The following ARFGEF3 variants were observed in gnomAD, a reference collection of about 807,000 sequenced individuals.
The protein encoded by ARFGEF3 is brefeldin A-inhibited guanine nucleotide-exchange protein 3.
In ARFGEF3, 96 loss-of-function variants were observed where a neutral mutation model predicts 221.7. The observed-to-expected ratio is 0.43, with a 90% CI of 0.37 to 0.51. The LOEUF (loss-of-function observed/expected upper bound fraction) is 0.51, where lower values mean the gene tolerates loss of function less well. ARFGEF3 is among the 20% of genes least tolerant of loss of function. ARFGEF3 has a pLI of 0.00. For synonymous variants in ARFGEF3, 1,145 were observed against 1,126.8 expected (o/e 1.02, Z -0.32); for missense variants, 2,410 against 2,789.9 (o/e 0.86, Z 3.07).
intron 2 of ARFGEF3, among the ~76,000 whole-genome samples, chr6:138,180,992 G>A (rs545843186): frequency 1.3e-5 from 2 of 152,266 alleles, no homozygotes; most frequent in Admixed American, 1.3e-4. Flanking sequence ...TTTTAACATA[G>A]TATAAGTGAT....
At chr6:138,275,296 T>G (rs1443917806) in intron 12 of ARFGEF3, among the ~76,000 whole-genome samples, 3 of 151,996 alleles carry the variant, frequency 2.0e-5, no homozygotes, top group Non-Finnish European at 4.4e-5. Flanking sequence ...CTGAGGTGGT[T>G]TTGTGGGAAT....
At chr6:138,286,948 G>A in intron 16 of ARFGEF3, 32 bp downstream of exon 16, 2 of 1,607,884 alleles carry the variant, frequency 1.2e-6, no homozygotes, top group East Asian at 2.2e-5. Flanking sequence ...CCTGGCCGTG[G>A]TCCTGCAGAA....
chr6:138,209,092 C>T (rs1777673382), intron 3 of ARFGEF3, among the ~76,000 whole-genome samples: 1 of 152,046 alleles, frequency 6.6e-6, no homozygotes, highest in South Asian at 2.1e-4. Flanking sequence ...TGAATGTCTT[C>T]TTGTTGAGGT....
Position 138,289,894 on chromosome 6 carries a change from G to A in ARFGEF3, c.2973G>A (p.Leu991=), listed in dbSNP as rs1219985070. The part of the protein sequence containing the change: ...QGVWLHTAHV[L]CMEAILSVGL... Reference sequence around the variant, plus strand: ...TGTGGCTGCACACTGCCCACGTCTTGTGCATGGAGGCCATCCTCAGCGTAG... The same window carrying A: ...TGTGGCTGCACACTGCCCACGTCTTATGCATGGAGGCCATCCTCAGCGTAG... Residue 991 remains leucine (L), a synonymous_variant, in exon 18 of 34, where the codon TTG becomes TTA. Transcript: ENST00000251691. The A allele has an allele frequency of 6.2e-6, 10 of 1,613,894 alleles. No individual in the cohort carries two copies. Among genetic ancestry groups the A allele is most frequent in the East Asian group, 4.5e-5 (2 of 44,902 alleles).
chr6:138,336,401 C>G lies in ARFGEF3; in HGVS notation c.6449C>G (p.Thr2150Ser). 1 of 1,613,530 alleles carries G rather than the reference C, an allele frequency of 6.2e-7. No individual in the cohort carries two copies. Among genetic ancestry groups the G allele is most frequent in the East Asian group, 2.2e-5 (1 of 44,868 alleles). Residue 2150 changes from threonine to serine, a missense_variant, in exon 34 of 34, where the codon ACC becomes AGC. Thr to Ser is a moderately conservative substitution (Grantham distance 58, BLOSUM62 1). Transcript: ENST00000251691. Reference sequence around the variant, plus strand: ...GTGTTCCCGTGCATCAGTCAGCTGACCTGTCACGTGACCGACATCAGAGTT... The same window carrying G: ...GTGTTCCCGTGCATCAGTCAGCTGAGCTGTCACGTGACCGACATCAGAGTT... The part of the protein sequence containing the change: ...PAVFPCISQL[T>S]CHVTDIRVRQ...
At position 138,313,839 on chromosome 6, in the gene ARFGEF3, T is replaced by C; in HGVS notation, c.4245T>C (p.Leu1415=). 1 of 1,613,986 alleles carries C rather than the reference T, an allele frequency of 6.2e-7. No individual in the cohort carries two copies. The highest frequency in any genetic ancestry group is 1.7e-5 in the Admixed American group (1 of 60,026). Residue 1415 remains leucine (L), a synonymous_variant, in exon 26 of 34, where the codon CTT becomes CTC. Transcript: ENST00000251691. ...AAATGCCCTTGAAGCCAATATTCCTTAGTGGGAGACTTGCCGGCTTGCCTC... is the reference window on the plus strand; with the variant it reads ...AAATGCCCTTGAAGCCAATATTCCTCAGTGGGAGACTTGCCGGCTTGCCTC... ...IYKMPLKPIF[L]SGRLAGLPRR...
intron 2 of ARFGEF3, among the ~76,000 whole-genome samples, chr6:138,197,517 GCACAGTTGATTTGTTTACACTGGCAT>G (rs1562350034): frequency 1.3e-5 from 2 of 152,162 alleles, no homozygotes; most frequent in Non-Finnish European, 2.9e-5. Context: ...ACAACTGGCG[GCACAGTTGATTTGTTTACACTGGCAT>G]CACCACAAAC....
chr6:138,206,767 A>G (rs1227835754), intron 2 of ARFGEF3, among the ~76,000 whole-genome samples: 2 of 152,190 alleles, frequency 1.3e-5, no homozygotes, highest in Admixed American at 6.5e-5. Context: ...CGGGGTCCCA[A>G]TGTGTACTAA....
At chr6:138,303,871 A>G (rs1398248088) in intron 22 of ARFGEF3, among the ~76,000 whole-genome samples, 1 of 147,964 alleles carries the variant, frequency 6.8e-6, no homozygotes, top group Non-Finnish European at 1.5e-5. Flanking sequence ...AAAAAAAAAA[A>G]AAAAAAAAAA....
chr6:138,313,768 G>A, intron 25 of ARFGEF3, 27 bp from the exon 26 acceptor site: 1 of 1,594,896 alleles, frequency 6.3e-7, no homozygotes, highest in Non-Finnish European at 8.6e-7. Flanking sequence ...ACATATAATT[G>A]CAGTTTGTCT....
Position 138,335,169 on chromosome 6 carries a change from A to T in ARFGEF3, c.6323A>T (p.Asp2108Val). The change falls in exon 33 of 34, where the codon GAC becomes GTC. Residue 2108 changes from aspartate (D) to valine (V), a missense_variant. Asp to Val is a radical substitution (Grantham distance 152, BLOSUM62 -3). Coordinates refer to ENST00000251691, the MANE Select transcript of ARFGEF3 (RefSeq NM_020340.5). ...AGCTCCCTCAGTGTCTCGGTGAGAG[A>T]CGCAGAAGCACAGATCCAGGTACAT... ...TGSSLSVSVR[D>V]AEAQIQAWTN... 6.4e-7 allele frequency: 1 copy of T among 1,550,800 alleles called. No individual in the cohort carries two copies. Among genetic ancestry groups the T allele is most frequent in the Non-Finnish European group, 8.6e-7 (1 of 1,156,212 alleles).
At chr6:138,289,172 C>T (rs766211339) in intron 17 of ARFGEF3, among the ~76,000 whole-genome samples, 10 of 152,128 alleles carry the variant, frequency 6.6e-5, no homozygotes, top group Admixed American at 2.6e-4. Context: ...AGGCTGGTCT[C>T]GAACTCCCAA....
At chr6:138,234,542 C>G (rs1778250138) in intron 5 of ARFGEF3, among the ~76,000 whole-genome samples, 1 of 151,982 alleles carries the variant, frequency 6.6e-6, no homozygotes, top group Non-Finnish European at 1.5e-5. Context: ...TGAGATGCCT[C>G]TTGCCACATA....
chr6:138,213,400 G>A (rs142188968), intron 4 of ARFGEF3, among the ~76,000 whole-genome samples: 9 of 151,690 alleles, frequency 5.9e-5, no homozygotes, highest in East Asian at 1.9e-4. Context: ...AGATGTTGCC[G>A]TGAGCCGAGA....
chr6:138,199,046 C>T (rs1777485622), intron 2 of ARFGEF3, among the ~76,000 whole-genome samples: 1 of 152,164 alleles, frequency 6.6e-6, no homozygotes, highest in Non-Finnish European at 1.5e-5. Flanking sequence ...TTGAGACCAG[C>T]CTGGGCAACA....
At chr6:138,243,387 A>G (rs1383529101) in intron 7 of ARFGEF3, among the ~76,000 whole-genome samples, 2 of 152,192 alleles carry the variant, frequency 1.3e-5, no homozygotes, top group Non-Finnish European at 2.9e-5. Flanking sequence ...TGTGTTTGTC[A>G]AATACCAATT....
Position 138,286,683 on chromosome 6 carries a change from C to A in ARFGEF3, c.2570-18C>A. 6.2e-7 allele frequency: 1 copy of A among 1,610,852 alleles called. No individual in the cohort carries two copies. The highest frequency in any genetic ancestry group is 8.5e-7 in the Non-Finnish European group (1 of 1,177,206). On this transcript the variant is annotated intron_variant, in intron 15 of 33. Transcript: ENST00000251691. ...GTTTTTGTCTCTAGAAAATGACACA[C>A]ACCCCTCCATGTTCCAGGCGTGGCA...
In ARFGEF3 at chr6:138,338,147, T is replaced by G. The variant is rs1209158542; in HGVS notation, c.*1661T>G. Reference sequence around the variant, plus strand: ...CAAAACACTCTGTTTGCCTTCAGTTTTTACTCACTAGACAATAATTCAAGT... The same window carrying G: ...CAAAACACTCTGTTTGCCTTCAGTTGTTACTCACTAGACAATAATTCAAGT... On this transcript the variant is annotated 3_prime_UTR_variant, in exon 34 of 34. Coordinates refer to ENST00000251691, the MANE Select transcript of ARFGEF3 (RefSeq NM_020340.5). 6.6e-6 allele frequency: 1 copy of G among 152,252 alleles called. No homozygotes were observed. Among genetic ancestry groups the G allele is most frequent in the Non-Finnish European group, 1.5e-5 (1 of 68,050 alleles). 9.4% of individuals were successfully genotyped at this position (152,252 alleles called of 1,614,324 possible).
At chr6:138,300,053 A>T (rs531933601) in intron 22 of ARFGEF3, among the ~76,000 whole-genome samples, 60 of 152,302 alleles carry the variant, frequency 3.9e-4, no homozygotes, top group South Asian at 1.7e-3. Flanking sequence ...CAGTATTTTT[A>T]AAAAAGTCAC....
Sources: allele counts gnomAD v4.1 joint callset (sites outside exome capture counted in the v4.1 genomes callset), GRCh38; gene constraint gnomAD v4.1.1; transcripts MANE v1.5; gene names NCBI Gene and HGNC (gene_info 2026-07-23, HGNC 2026-07-21).